The following CACNG2 variants were observed in gnomAD, a reference collection of about 807,000 sequenced individuals.
CACNG2 encodes the protein calcium voltage-gated channel auxiliary subunit gamma 2, also known as voltage-dependent calcium channel gamma-2 subunit.
In CACNG2, 3 loss-of-function variants were observed where a neutral mutation model predicts 25.9. That is an observed-to-expected ratio of 0.12 (90% CI 0.05 to 0.30). The LOEUF is 0.30. Ranked by LOEUF, CACNG2 falls within the 10% of genes least tolerant of loss-of-function variation. The pLI is 1.00. For synonymous variants in CACNG2, 167 were observed against 173.3 expected, an observed-to-expected ratio of 0.96 and a Z score of 0.29; for missense variants, 341 against 432.5, an observed-to-expected ratio of 0.79 and a Z score of 1.88.
chr22:36,685,080 G>T (rs1255560778), intron 1 of CACNG2, among the ~76,000 whole-genome samples: 2 of 152,098 alleles, frequency 1.3e-5, no homozygotes, highest in African/African-American at 2.4e-5. Context: ...TCCTCTCATC[G>T]CTCAGTCCAC....
intron 1 of CACNG2, among the ~76,000 whole-genome samples, chr22:36,655,984 T>C (rs754134526): frequency 6.6e-6 from 1 of 152,142 alleles, no homozygotes; most frequent in Middle Eastern, 3.4e-3. Flanking sequence ...ATTTTTGTAT[T>C]TTTAGTAGAG....
At chr22:36,591,165 T>A (rs923600860) in intron 1 of CACNG2, among the ~76,000 whole-genome samples, 1 of 151,258 alleles carries the variant, frequency 6.6e-6, no homozygotes, top group South Asian at 2.1e-4. Context: ...GCCTCCAGAG[T>A]AGCTGGAACT....
At chr22:36,640,979 G>A (rs1164620776) in intron 1 of CACNG2, among the ~76,000 whole-genome samples, 1 of 152,168 alleles carries the variant, frequency 6.6e-6, no homozygotes, top group African/African-American at 2.4e-5. Flanking sequence ...CAGGACCTAC[G>A]CATTTGCTGT....
chr22:36,588,556 T>C (rs1328476297), intron 1 of CACNG2, among the ~76,000 whole-genome samples: 1 of 152,222 alleles, frequency 6.6e-6, no homozygotes, highest in African/African-American at 2.4e-5. Flanking sequence ...TCCTTTAACC[T>C]TCTCTGAATG....
chr22:36,697,485 G>C (rs962061282), intron 1 of CACNG2, among the ~76,000 whole-genome samples: 1 of 152,194 alleles, frequency 6.6e-6, no homozygotes, highest in Non-Finnish European at 1.5e-5. Flanking sequence ...GAGTCATAAG[G>C]GGCCTGGATT....
chr22:36,612,613 C>A (rs1239153638), intron 1 of CACNG2, among the ~76,000 whole-genome samples: 4 of 152,200 alleles, frequency 2.6e-5, no homozygotes, highest in Non-Finnish European at 5.9e-5. Flanking sequence ...CTTCCCACAA[C>A]CCTCTCACTT....
intron 1 of CACNG2, among the ~76,000 whole-genome samples, chr22:36,653,648 G>A (rs1601438043): frequency 6.6e-6 from 1 of 152,146 alleles, no homozygotes; most frequent in South Asian, 2.1e-4. Flanking sequence ...GGGTTGGGAC[G>A]GGTCAAGGGA....
intron 2 of CACNG2, among the ~76,000 whole-genome samples, chr22:36,581,077 C>T (rs1052534687): frequency 6.6e-5 from 10 of 152,306 alleles, no homozygotes; most frequent in South Asian, 2.1e-4. Flanking sequence ...TTCCTCACCA[C>T]GCTCCTTAAT....
chr22:36,641,858 A>C (rs961983945), intron 1 of CACNG2, among the ~76,000 whole-genome samples: 2 of 152,236 alleles, frequency 1.3e-5, no homozygotes, highest in African/African-American at 4.8e-5. Context: ...GGTCATTTAC[A>C]GTTCATGTCT....
At chr22:36,615,186 C>T (rs1416320999) in intron 1 of CACNG2, among the ~76,000 whole-genome samples, 2 of 152,200 alleles carry the variant, frequency 1.3e-5, no homozygotes, top group Non-Finnish European at 2.9e-5. Context: ...CCACTACAGC[C>T]TATAAGGCTG....
At chr22:36,581,183 C>A (rs1472378908) in intron 2 of CACNG2, among the ~76,000 whole-genome samples, 1 of 152,186 alleles carries the variant, frequency 6.6e-6, no homozygotes, top group Non-Finnish European at 1.5e-5. Flanking sequence ...CAGTCACATT[C>A]ATTACTGGGT....
chr22:36,681,181 C>A (rs1937118066), intron 1 of CACNG2, among the ~76,000 whole-genome samples: 4 of 152,026 alleles, frequency 2.6e-5, no homozygotes, highest in Non-Finnish European at 5.9e-5. Context: ...ATGGCTCTTC[C>A]CTTTTAGTTT....
At chr22:36,569,873 T>G (rs528012729) in intron 2 of CACNG2, among the ~76,000 whole-genome samples, 68 of 152,222 alleles carry the variant, frequency 4.5e-4, no homozygotes, top group African/African-American at 1.6e-3. Context: ...GCCCTTTCCA[T>G]GTGGACATGG....
chr22:36,579,953 C>T (rs970333501), intron 2 of CACNG2, among the ~76,000 whole-genome samples: 10 of 152,212 alleles, frequency 6.6e-5, no homozygotes, highest in Non-Finnish European at 7.3e-5. Flanking sequence ...TTGCGCTCAT[C>T]GCTATGCAAT....
intron 1 of CACNG2, among the ~76,000 whole-genome samples, chr22:36,634,125 G>T (rs12158678): frequency 0.043 from 6,502 of 152,262 alleles, 233 homozygotes; most frequent in Middle Eastern, 0.099. Flanking sequence ...GCATCTCTGG[G>T]CTTTGCTTTC....
intron 1 of CACNG2, among the ~76,000 whole-genome samples, chr22:36,618,285 C>T (rs1460578842): frequency 6.6e-6 from 1 of 152,362 alleles, no homozygotes; most frequent in Non-Finnish European, 1.5e-5. Context: ...GCCAAGTGTG[C>T]CTGCAGGGGC....
intron 2 of CACNG2, among the ~76,000 whole-genome samples, chr22:36,582,950 T>G (rs554341709): frequency 2.0e-5 from 3 of 151,888 alleles, no homozygotes; most frequent in Non-Finnish European, 4.4e-5. Context: ...CACTTACAAG[T>G]GAAGGAAGAC....
At position 36,561,566 on chromosome 22, in the gene CACNG2, G is replaced by A. The variant is rs1935028980; in HGVS notation, c.*2785C>T. On this transcript the variant is annotated 3_prime_UTR_variant, in exon 4 of 4. Coordinates refer to ENST00000300105, the MANE Select transcript of CACNG2 (RefSeq NM_006078.5). ...CAGGCAAAAGACAGGAAAGGCAGGT[G>A]AGATGTGCAAGCTCAAAAAGCCTTA... 6.6e-6 allele frequency: 1 copy of A among 152,246 alleles called. No individual in the cohort carries two copies. The highest frequency in any genetic ancestry group is 2.1e-4 in the South Asian group (1 of 4,834). The allele number at this position is 152,246 out of a possible 1,614,324, so 9.4% of individuals were successfully genotyped here.
chr22:36,624,823 A>G (rs553563041), intron 1 of CACNG2, among the ~76,000 whole-genome samples: 50 of 152,054 alleles, frequency 3.3e-4, no homozygotes, highest in African/African-American at 1.2e-3. Context: ...AGGTCAGGAG[A>G]TCGAGACCAT....
Sources: gnomAD v4.1 joint callset for allele counts (sites outside exome capture counted in the v4.1 genomes callset) on GRCh38, gnomAD v4.1.1 for gene constraint, MANE v1.5 for transcripts, NCBI Gene and HGNC (gene_info 2026-07-23, HGNC 2026-07-21) for gene names.